CDH7: variants seen among roughly 807,000 people sequenced by gnomAD.
CDH7 encodes cadherin-7.
In CDH7, 25 loss-of-function variants were observed where a neutral mutation model predicts 71.8. The ratio of observed to expected loss-of-function variants is 0.35; its 90% CI spans 0.25 to 0.49. The LOEUF (loss-of-function observed/expected upper bound fraction) is 0.49. CDH7 is among the 20% of genes least tolerant of loss of function. The pLI is 0.99. For synonymous variants in CDH7, 381 were observed against 363.8 expected (o/e 1.05, Z -0.54); for missense variants, 862 against 974.6 (o/e 0.88, Z 1.54).
Position 65,793,652 on chromosome 18 carries a change from A to G in CDH7, c.211-16052A>G, listed in dbSNP as rs375834498. The stretch of plus-strand genomic sequence containing the variant: ...CTCATCACACTGTACTAATCACCAA[A>G]GTATCCTATCATTCAGTGTGATTGC... On this transcript the variant is annotated intron_variant, in intron 2 of 11. Coordinates refer to ENST00000397968, the MANE Select transcript of CDH7 (RefSeq NM_004361.5). 1.6e-3 allele frequency among the ~76,000 whole-genome samples: 237 copies of G among 152,318 alleles called. 1 individual carries two copies. The highest frequency in any genetic ancestry group is 3.4e-3 in the Middle Eastern group (1 of 294).
chr18:65,833,190 A>G (rs535799504), intron 6 of CDH7, among the ~76,000 whole-genome samples: 1 of 152,326 alleles, frequency 6.6e-6, no homozygotes, highest in African/African-American at 2.4e-5. Context: ...TAAGTTAGAT[A>G]GCACAGTGGC....
intron 2 of CDH7, among the ~76,000 whole-genome samples, chr18:65,795,285 A>T (rs1469329040): frequency 6.6e-6 from 1 of 152,176 alleles, no homozygotes; most frequent in Non-Finnish European, 1.5e-5. Flanking sequence ...AAGAAAGATG[A>T]TTCAGTTGGC....
chr18:65,771,479 AAAAAATAAAAATAAAAT>A (rs1916540319), intron 2 of CDH7, among the ~76,000 whole-genome samples: 3 of 151,852 alleles, frequency 2.0e-5, no homozygotes, highest in African/African-American at 7.3e-5. Flanking sequence ...ATCTCTACTA[AAAAAATAAAAATAAAAT>A]AAAAATAAAA....
intron 2 of CDH7, among the ~76,000 whole-genome samples, chr18:65,781,874 C>T: frequency 8.8e-6 from 1 of 113,266 alleles, no homozygotes; most frequent in African/African-American, 4.0e-5. Context: ...TTCTCTCTCT[C>T]TCTCTGTCTC....
At chr18:65,867,738 A>G (rs987009263) in intron 11 of CDH7, among the ~76,000 whole-genome samples, 1 of 152,196 alleles carries the variant, frequency 6.6e-6, no homozygotes, top group Non-Finnish European at 1.5e-5. Context: ...GGGCCCAGTA[A>G]TTGAAGTCTT....
rs1914461926 is a variant in CDH7 at position 65,889,918 on chromosome 18, G to A, written c.*9024G>A. On this transcript the variant is annotated 3_prime_UTR_variant, in exon 12 of 12. Transcript: ENST00000397968. The stretch of plus-strand genomic sequence containing the variant: ...TCCTTGTTAATCAGAATTCTAGAAT[G>A]TTCCATTGCCTTATGTGACACCTCC... The A allele has an allele frequency of 6.6e-6, 1 of 152,068 alleles. No individual in the cohort carries two copies. The highest frequency in any genetic ancestry group is 1.5e-5 in the Non-Finnish European group (1 of 67,996). The allele number at this position is 152,068 out of a possible 1,614,324, so 9.4% of individuals were successfully genotyped here.
rs1327083066 is a variant in CDH7 at position 65,782,004 on chromosome 18, TTCTC to T, written c.210+18956_210+18959del. Among the ~76,000 whole-genome samples the T allele has an allele frequency of 7.6e-3, 440 of 57,912 alleles. 24 individuals are homozygous for T. Among genetic ancestry groups the T allele is most frequent in the African/African-American group, 0.02 (127 of 6,472 alleles). The allele number at this position is 57,912 out of a possible 152,430, so 38.0% of individuals were successfully genotyped here. On this transcript the variant is annotated intron_variant, in intron 2 of 11. Coordinates refer to ENST00000397968, the MANE Select transcript of CDH7 (RefSeq NM_004361.5). The stretch of plus-strand genomic sequence containing the variant: ...TCTCTCTCTTTCTCTCTTTCTCTCT[TTCTC>T]TCTTTCTCTCTCTCTTTCTCCCTTC...
intron 2 of CDH7, among the ~76,000 whole-genome samples, chr18:65,767,108 G>T (rs4361031): frequency 0.45 from 56,997 of 127,914 alleles, 12,687 homozygotes; most frequent in African/African-American, 0.65. Context: ...TTTTTTTTTT[G>T]GCTACTCCTC....
intron 2 of CDH7, chr18:65,803,475 C>T (rs896815574): frequency 2.0e-5 from 3 of 152,084 alleles, no homozygotes; most frequent in Admixed American, 6.6e-5. Flanking sequence ...TTAAACCACA[C>T]GTCTTCATTA....
At chr18:65,793,476 T>G (rs537275999) in intron 2 of CDH7, among the ~76,000 whole-genome samples, 29 of 151,524 alleles carry the variant, frequency 1.9e-4, no homozygotes, top group African/African-American at 6.8e-4. Flanking sequence ...AGCAAATACA[T>G]TTATTTCTAT....
chr18:65,846,758 T>C (rs777934893), intron 7 of CDH7, among the ~76,000 whole-genome samples: 6 of 152,210 alleles, frequency 3.9e-5, no homozygotes, highest in Non-Finnish European at 8.8e-5. Flanking sequence ...CCTTGTCTTC[T>C]GTGTTTTTGT....
chr18:65,784,085 G>A (rs1910418433), intron 2 of CDH7, among the ~76,000 whole-genome samples: 1 of 148,496 alleles, frequency 6.7e-6, no homozygotes, highest in Non-Finnish European at 1.5e-5. Context: ...TTGAGTAGCT[G>A]GGAACACAGG....
intron 2 of CDH7, among the ~76,000 whole-genome samples, chr18:65,776,416 G>GA (rs1909946494): frequency 6.9e-6 from 1 of 144,862 alleles, no homozygotes; most frequent in African/African-American, 2.6e-5. Flanking sequence ...AGAGAGAGAG[G>GA]GAAGAGAGAG....
intron 2 of CDH7, among the ~76,000 whole-genome samples, chr18:65,798,374 A>G (rs542985624): frequency 6.6e-6 from 1 of 152,352 alleles, no homozygotes; most frequent in Admixed American, 6.5e-5. Context: ...AACAAATGAC[A>G]TAAATGTTCC....
intron 11 of CDH7, among the ~76,000 whole-genome samples, chr18:65,864,506 A>G (rs529829499): frequency 6.6e-6 from 1 of 151,734 alleles, no homozygotes; most frequent in East Asian, 1.9e-4. Flanking sequence ...CAAAAAATTT[A>G]GATTTTGGAA....
intron 11 of CDH7, among the ~76,000 whole-genome samples, chr18:65,879,685 T>C (rs1414913812): frequency 6.6e-6 from 1 of 152,182 alleles, no homozygotes; most frequent in Non-Finnish European, 1.5e-5. Flanking sequence ...TAAGATGTGA[T>C]TTTTAGTTTT....
chr18:65,829,895 T>G (rs924694913), intron 6 of CDH7, among the ~76,000 whole-genome samples: 2 of 151,446 alleles, frequency 1.3e-5, no homozygotes, highest in East Asian at 3.9e-4. Context: ...TTTCATAGAC[T>G]TAGCTGTGGC....
rs182794673 is a variant in CDH7 at position 65,862,054 on chromosome 18, A to T, written c.1613-612A>T. 2.0e-4 allele frequency among the ~76,000 whole-genome samples: 30 copies of T among 152,276 alleles called. No homozygotes were observed. In the East Asian group the frequency reaches 4.8e-3, roughly 24 times the overall value. ...GCTTAGATGAATTCAAATATTAAAT[A>T]TAAGGTAAACATAAATAGCCTGTTT... On this transcript the variant is annotated intron_variant, in intron 10 of 11. Transcript: ENST00000397968.
At chr18:65,868,711 C>G (rs1389018676) in intron 11 of CDH7, among the ~76,000 whole-genome samples, 1 of 152,118 alleles carries the variant, frequency 6.6e-6, no homozygotes, top group African/African-American at 2.4e-5. Context: ...GGTTATATTT[C>G]AGTACAACCA....
Sources: allele counts gnomAD v4.1 joint callset (sites outside exome capture counted in the v4.1 genomes callset), GRCh38; gene constraint gnomAD v4.1.1; transcripts MANE v1.5; gene names NCBI Gene and HGNC (gene_info 2026-07-23, HGNC 2026-07-21).